Variants in YAE1 observed in about 807,000 individuals in gnomAD.
The protein encoded by YAE1 is protein YAE1 homolog.
In YAE1, 22 loss-of-function variants were observed where a neutral mutation model predicts 23.0. The ratio of observed to expected loss-of-function variants is 0.96; its 90% CI spans 0.68 to 1.37. The LOEUF is 1.37. YAE1 is among the 40% of genes most tolerant of loss of function. The pLI is 0.00. For synonymous variants in YAE1, 101 were observed against 97.0 expected, an observed-to-expected ratio of 1.04 and a Z score of -0.24; for missense variants, 260 against 262.1, an observed-to-expected ratio of 0.99 and a Z score of 0.06.
intron 2 of YAE1, among the ~76,000 whole-genome samples, chr7:39,601,753 T>C (rs4451213): frequency 0.73 from 106,803 of 145,726 alleles, 40,521 homozygotes; most frequent in East Asian, 0.89. Context: ...AGCCAGACTC[T>C]GTCTCAAAAA....
At chr7:39,605,582 A>T (rs184518735) in intron 2 of YAE1, among the ~76,000 whole-genome samples, 3 of 152,280 alleles carry the variant, frequency 2.0e-5, no homozygotes, top group African/African-American at 4.8e-5. Flanking sequence ...GCTGTTTTTC[A>T]GACTGGAACT....
chr7:39,566,785 TTAAC>T (rs1472463598), intron 1 of YAE1: 15 of 455,030 alleles, frequency 3.3e-5, no homozygotes, highest in Non-Finnish European at 5.9e-5. Flanking sequence ...CCGACCAAAA[TTAAC>T]TATGTGTAGA....
chr7:39,569,711 C>T (rs2061890094), intron 1 of YAE1: 2 of 720,388 alleles, frequency 2.8e-6, no homozygotes, highest in Admixed American at 1.8e-5. Context: ...TATGGCAAGT[C>T]CTGATCCACG....
chr7:39,575,183 G>T (rs1227060647), downstream of YAE1, among the ~76,000 whole-genome samples: 3 of 152,224 alleles, frequency 2.0e-5, no homozygotes, highest in Non-Finnish European at 4.4e-5. Context: ...ACATTAGACT[G>T]AGTGGTGTGG....
chr7:39,590,651 G>T (rs1790889015), intron 2 of YAE1, among the ~76,000 whole-genome samples: 1 of 152,012 alleles, frequency 6.6e-6, no homozygotes, highest in Non-Finnish European at 1.5e-5. Context: ...ATAGCTTTAA[G>T]GCCATTTTAT....
At chr7:39,609,881 C>G (rs1224109826) in exon 3 of YAE1, 2 of 1,534,092 alleles carry the variant, frequency 1.3e-6, no homozygotes, top group Non-Finnish European at 1.7e-6. Flanking sequence ...AACCCCACCG[C>G]GACCCTGCAG....
intron 2 of YAE1, among the ~76,000 whole-genome samples, chr7:39,598,109 C>T (rs1791003522): frequency 6.6e-6 from 1 of 151,808 alleles, no homozygotes; most frequent in Non-Finnish European, 1.5e-5. Context: ...CATGCCCTGC[C>T]AAGTTTGTTT....
intron 2 of YAE1, among the ~76,000 whole-genome samples, chr7:39,571,248 A>C (rs75171970): frequency 2.0e-5 from 3 of 149,640 alleles, no homozygotes; most frequent in Admixed American, 1.3e-4. Context: ...GCATTATGAA[A>C]TTTTTTTCAT....
At chr7:39,579,167 C>A (rs1345118603) in intron 2 of YAE1, among the ~76,000 whole-genome samples, 5 of 152,130 alleles carry the variant, frequency 3.3e-5, no homozygotes. Context: ...TTCTTTAATC[C>A]TCATAATAGC....
At chr7:39,576,795 GA>G (rs371157096), downstream of YAE1, among the ~76,000 whole-genome samples, 37 of 147,158 alleles carry the variant, frequency 2.5e-4, 1 homozygote, top group Non-Finnish European at 3.9e-4. Context: ...CTTGATGAGA[GA>G]AAAAAAAAAT....
At chr7:39,597,556 TTA>T (rs981261687) in intron 2 of YAE1, among the ~76,000 whole-genome samples, 15 of 152,216 alleles carry the variant, frequency 9.9e-5, no homozygotes, top group African/African-American at 3.6e-4. Flanking sequence ...CATTCCTAAG[TTA>T]TGTTTTGCTT....
At chr7:39,569,757 T>G (rs957594363) in intron 1 of YAE1, 1 of 751,436 alleles carries the variant, frequency 1.3e-6, no homozygotes, top group Admixed American at 1.7e-5. Context: ...ACTACTCATC[T>G]GAACAGAACC....
intron 2 of YAE1, among the ~76,000 whole-genome samples, chr7:39,591,220 C>T (rs1790896448): frequency 6.6e-6 from 1 of 152,130 alleles, no homozygotes; most frequent in Admixed American, 6.6e-5. Context: ...AACTTAGTAA[C>T]CTTTTAGAAT....
intron 2 of YAE1, among the ~76,000 whole-genome samples, chr7:39,580,762 T>G (rs1052407820): frequency 3.3e-5 from 5 of 152,190 alleles, no homozygotes; most frequent in Non-Finnish European, 7.3e-5. Flanking sequence ...GGAGGGCTTT[T>G]GGGGTATGTC....
intron 2 of YAE1, 30 bp from the exon 3 acceptor site, chr7:39,572,247 T>C: frequency 5.8e-6 from 9 of 1,553,812 alleles, no homozygotes; most frequent in Non-Finnish European, 7.8e-6. Flanking sequence ...CCTATTTTGC[T>C]ATTTAACCCT....
At chr7:39,586,418 C>T (rs1189514455) in intron 2 of YAE1, among the ~76,000 whole-genome samples, 2 of 151,078 alleles carry the variant, frequency 1.3e-5, no homozygotes, top group East Asian at 2.0e-4. Context: ...GTGATCCGCC[C>T]GCCTCAGCCT....
downstream of YAE1, among the ~76,000 whole-genome samples, chr7:39,610,974 C>A (rs552361903): frequency 1.1e-4 from 17 of 152,052 alleles, no homozygotes; most frequent in South Asian, 3.5e-3. Context: ...GTGGAGAAAC[C>A]CTGTCCCTAC....
chr7:39,569,497 C>A, intron 1 of YAE1: 1 of 497,128 alleles, frequency 2.0e-6, no homozygotes, highest in South Asian at 1.7e-5. Flanking sequence ...GCCTCTTGTT[C>A]TTCCTCCAGT....
chr7:39,574,857 A>T (rs1336943707), downstream of YAE1, among the ~76,000 whole-genome samples: 1 of 152,088 alleles, frequency 6.6e-6, no homozygotes, highest in Non-Finnish European at 1.5e-5. Context: ...GTGAGATAAG[A>T]TCACCCCACT....
Sources: allele counts gnomAD v4.1 joint callset (sites outside exome capture counted in the v4.1 genomes callset), GRCh38; gene constraint gnomAD v4.1.1; transcripts MANE v1.5; gene names NCBI Gene and HGNC (gene_info 2026-07-23, HGNC 2026-07-21).